PTPRS: variants seen among roughly 807,000 people sequenced by gnomAD.
PTPRS encodes receptor-type tyrosine-protein phosphatase S.
A neutral mutation model predicts 215.3 loss-of-function variants in PTPRS; 63 were observed. The observed-to-expected ratio is 0.29, with a 90% CI of 0.24 to 0.36. PTPRS has a LOEUF of 0.36. Among genes scored for constraint, PTPRS ranks in the 10% least tolerant of loss-of-function variants. The pLI, the probability that PTPRS is intolerant of heterozygous loss-of-function variation, is 1.00. For missense variants in PTPRS, 2,258 were observed against 2,825.8 expected (o/e 0.80, Z 4.56); for synonymous variants, 1,404 against 1,191.4 (o/e 1.18, Z -3.68).
At chr19:5,239,207 G>T (rs1398765225) in intron 12 of PTPRS, 144 bp from the exon 13 acceptor site, 2 of 639,910 alleles carry the variant, frequency 3.1e-6, no homozygotes, top group Non-Finnish European at 5.4e-6. Flanking sequence ...TAGAGACAGG[G>T]GTGCGGCAGA....
At chr19:5,209,826 T>C (rs780926134) in intron 35 of PTPRS, among the ~76,000 whole-genome samples, 3 of 152,144 alleles carry the variant, frequency 2.0e-5, no homozygotes, top group Non-Finnish European at 4.4e-5. Context: ...CAATGCCCGG[T>C]GATTGCTGTT....
chr19:5,223,290 G>T lies in PTPRS; in HGVS notation c.2502C>A (p.Gly834=). ...TCTGCTGCACCGACAGGGTTGGGCG[G>T]CCCAGCACTGCGGGGATACGGGGCA... ...KVVVTKGAVL[G]RPTLSVQQTP... is the part of the protein sequence containing the mutation. Residue 834 remains glycine (G), a synonymous_variant, in exon 18 of 38, where the codon GGC becomes GGA. Transcript: ENST00000262963. 2 of 1,459,960 alleles carry T rather than the reference G, an allele frequency of 1.4e-6. No individual in the cohort carries two copies. Among genetic ancestry groups the T allele is most frequent in the East Asian group, 2.5e-5 (1 of 39,468 alleles). The allele number at this position is 1,459,960 out of a possible 1,614,324, so 90.4% of individuals were successfully genotyped here.
intron 11 of PTPRS, among the ~76,000 whole-genome samples, chr19:5,242,058 A>C (rs190240537): frequency 2.6e-5 from 4 of 150,950 alleles, no homozygotes; most frequent in Admixed American, 2.6e-4. Context: ...CTGGTCTTGA[A>C]CTCCTGACCT....
At chr19:5,305,580 G>A (rs1600084373) in intron 1 of PTPRS, among the ~76,000 whole-genome samples, 2 of 146,866 alleles carry the variant, frequency 1.4e-5, no homozygotes, top group African/African-American at 5.0e-5. Context: ...CTTGTGCCTA[G>A]AAGCTGGACA....
At position 5,240,314 on chromosome 19, in the gene PTPRS, T is replaced by C; in HGVS notation, c.1589A>G (p.Asn530Ser). ...CTCCGACCTGGCCTCGGCCCGCAGGTTCATGGGCTGGCCCGGCACTGTGGG... is the reference window on the plus strand; with the variant it reads ...CTCCGACCTGGCCTCGGCCCGCAGGCTCATGGGCTGGCCCGGCACTGTGGG... Reference protein sequence around the residue: ...TQQGVPGQPMNLRAEARSETS... With the variant: ...TQQGVPGQPMSLRAEARSETS... The change falls in exon 12 of 38, where the codon AAC becomes AGC. Residue 530 changes from asparagine to serine, a missense_variant. Asn to Ser is a conservative substitution (Grantham distance 46). Coordinates refer to ENST00000262963, the MANE Select transcript of PTPRS (RefSeq NM_002850.4). 2 of 1,603,042 alleles carry C rather than the reference T, an allele frequency of 1.2e-6. No individual in the cohort carries two copies. Among genetic ancestry groups the C allele is most frequent in the Non-Finnish European group, 1.7e-6 (2 of 1,175,816 alleles).
intron 1 of PTPRS, among the ~76,000 whole-genome samples, chr19:5,296,216 G>C (rs2049129593): frequency 6.6e-6 from 1 of 152,168 alleles, no homozygotes. Context: ...ATCCACTGTG[G>C]GTCAGATGGT....
chr19:5,262,736 T>C (rs1021989013), intron 6 of PTPRS, among the ~76,000 whole-genome samples: 1 of 151,690 alleles, frequency 6.6e-6, no homozygotes, highest in African/African-American at 2.4e-5. Context: ...ACTTGTCTCT[T>C]TTCCTCTTTT....
At chr19:5,239,197 TAG>T (rs1436671007) in intron 12 of PTPRS, 134 bp from the exon 13 acceptor site, 2 of 518,744 alleles carry the variant, frequency 3.9e-6, no homozygotes, top group East Asian at 8.2e-5. Flanking sequence ...GACAGAGAAA[TAG>T]AGACAGGGGT....
Position 5,331,121 on chromosome 19 carries a change from CT to C in PTPRS, c.-95+9542del, listed in dbSNP as rs139049185. Among the ~76,000 whole-genome samples, 311 of 116,144 alleles carry C rather than the reference CT, an allele frequency of 2.7e-3. 9 individuals are homozygous for C. In the East Asian group the frequency reaches 0.055, roughly 21 times the overall value. The allele number at this position is 116,144 out of a possible 152,430, so 76.2% of individuals were successfully genotyped here. On this transcript the variant is annotated intron_variant, in intron 1 of 37. Coordinates refer to ENST00000262963, the MANE Select transcript of PTPRS (RefSeq NM_002850.4). ...GGGTCTTCAGCATAAGTCAGGGCTT[CT>C]TTTTTTAAAAAAAAAAAAAAAAAAA...
In PTPRS at chr19:5,289,575, TCCCCTCCTCCCTTTCTC is replaced by T. The variant is rs1230849072; in HGVS notation, c.-94-3358_-94-3342del. On this transcript the variant is annotated intron_variant, in intron 1 of 37. Coordinates refer to ENST00000262963, the MANE Select transcript of PTPRS (RefSeq NM_002850.4). ...GACCTGCCCTGTCCCCTCCGTGCCC[TCCCCTCCTCCCTTTCTC>T]CCCCTCCTCCCTCTGCTCCAGCCGC... Among the ~76,000 whole-genome samples, 3 of 151,700 alleles carry T rather than the reference TCCCCTCCTCCCTTTCTC, an allele frequency of 2.0e-5. No homozygotes were observed. In the South Asian group the frequency reaches 6.3e-4, roughly 32 times the overall value.
chr19:5,211,854 A>G, intron 32 of PTPRS, 86 bp from the exon 33 acceptor site: 1 of 1,576,546 alleles, frequency 6.3e-7, no homozygotes, highest in Admixed American at 1.7e-5. Flanking sequence ...ATAGGTAGGT[A>G]GGGGCACCCT....
At chr19:5,269,624 A>T (rs887605588) in intron 4 of PTPRS, among the ~76,000 whole-genome samples, 1 of 151,964 alleles carries the variant, frequency 6.6e-6, no homozygotes, top group African/African-American at 2.4e-5. Flanking sequence ...CGGAGAGGAG[A>T]GAGAAAAAGG....
chr19:5,230,787 GTGTC>G (rs1352657126), intron 14 of PTPRS, among the ~76,000 whole-genome samples: 1 of 152,154 alleles, frequency 6.6e-6, no homozygotes, highest in Non-Finnish European at 1.5e-5. Flanking sequence ...ATTGGGAAAG[GTGTC>G]TGTCATTTCT....
At chr19:5,241,504 G>C (rs1035856253) in intron 11 of PTPRS, among the ~76,000 whole-genome samples, 10 of 150,468 alleles carry the variant, frequency 6.6e-5, no homozygotes, top group Non-Finnish European at 1.3e-4. Flanking sequence ...GGCTGGTCTT[G>C]AACTCCTGGC....
intron 1 of PTPRS, among the ~76,000 whole-genome samples, chr19:5,314,534 C>CTTAT (rs960411880): frequency 5.3e-5 from 8 of 151,920 alleles, no homozygotes; most frequent in East Asian, 3.9e-4. Flanking sequence ...CTCCACCTTT[C>CTTAT]TTATTTATTT....
chr19:5,223,442 G>C (rs2042192140), intron 17 of PTPRS, 145 bp from the exon 18 acceptor site: 1 of 1,047,464 alleles, frequency 9.5e-7, no homozygotes. Flanking sequence ...CCAGCCTGGA[G>C]TGCAATGGTG....
chr19:5,237,428 G>T lies in PTPRS; in HGVS notation c.1849+1491C>A, dbSNP rs965855970. Among the ~76,000 whole-genome samples, 7 of 152,224 alleles carry T rather than the reference G, an allele frequency of 4.6e-5. No individual in the cohort carries two copies. The highest frequency in any genetic ancestry group is 8.8e-5 in the Non-Finnish European group (6 of 68,028). On this transcript the variant is annotated intron_variant, in intron 13 of 37. Coordinates refer to ENST00000262963, the MANE Select transcript of PTPRS (RefSeq NM_002850.4). The surrounding 1 kb of genome is among the most constrained non-coding windows in gnomAD (Gnocchi z 4.2). ...CCGCCCCGGAGGTTCGCGTGGCTGG[G>T]CCGAAGCCGCTTTCTAGGTGACCGT...
At chr19:5,208,207 C>A in intron 36 of PTPRS, 30 bp downstream of exon 36, 1 of 1,565,238 alleles carries the variant, frequency 6.4e-7, no homozygotes, top group Admixed American at 1.8e-5. Flanking sequence ...CCCAGCAGGG[C>A]CAAAAGCTGG....
chr19:5,239,166 A>G lies in PTPRS; in HGVS notation c.1705-103T>C, dbSNP rs200153107. The G allele has an allele frequency of 3.6e-4, 129 of 356,964 alleles. 1 individual carries two copies. The highest frequency in any genetic ancestry group is 6.4e-4 in the Admixed American group (13 of 20,372). 22.1% of individuals were successfully genotyped at this position (356,964 alleles called of 1,614,324 possible). A position where few individuals can be genotyped will look rare whatever the true frequency, so the allele number is the denominator to read the frequency against. ...AGACAGAAACAGAGGGGGGAGGGGG[A>G]GAGAGAGAGAGAGAGAGAGAGACAG... On this transcript the variant is annotated intron_variant, in intron 12 of 37. Coordinates refer to ENST00000262963, the MANE Select transcript of PTPRS (RefSeq NM_002850.4).
Sources: gnomAD v4.1 joint callset for allele counts (sites outside exome capture counted in the v4.1 genomes callset) on GRCh38, gnomAD v4.1.1 for gene constraint, Gnocchi (gnomAD v3.1) non-coding constraint, MANE v1.5 for transcripts, NCBI Gene and HGNC (gene_info 2026-07-23, HGNC 2026-07-21) for gene names.